Variants in TMEM232 observed in about 807,000 individuals in gnomAD.
TMEM232 encodes the protein transmembrane protein 232.
TMEM232 carries 80 observed loss-of-function variants against 78.8 expected under a neutral mutation model. That is an observed-to-expected ratio of 1.01 (90% CI 0.85 to 1.22). TMEM232 has a LOEUF of 1.22. Among genes scored for constraint, TMEM232 ranks in the 50% most tolerant of loss-of-function variants. The pLI, the probability that TMEM232 is intolerant of heterozygous loss-of-function variation, is 0.00. For missense variants in TMEM232, 881 were observed against 742.2 expected (o/e 1.19, Z -2.17); for synonymous variants, 297 against 254.3 (o/e 1.17, Z -1.60).
chr5:110,508,836 T>TTATA (rs917478908), intron 12 of TMEM232, among the ~76,000 whole-genome samples: 3 of 141,736 alleles, frequency 2.1e-5, no homozygotes, highest in African/African-American at 5.4e-5. Context: ...CCACTGCTAA[T>TTATA]TATATATATA....
intron 2 of TMEM232, among the ~76,000 whole-genome samples, chr5:110,405,760 G>A (rs1755768216): frequency 6.8e-6 from 1 of 147,942 alleles, no homozygotes. Flanking sequence ...AAAGTAAACA[G>A]GCCATCTGTA....
At chr5:110,606,328 AAATAAT>A (rs899525445) in intron 8 of TMEM232, 41 bp from the exon 9 acceptor site, 1 of 1,452,640 alleles carries the variant, frequency 6.9e-7, no homozygotes, top group African/African-American at 1.4e-5. Flanking sequence ...TTTTAATGGA[AAATAAT>A]AATAATAATC....
intron 2 of TMEM232, among the ~76,000 whole-genome samples, chr5:110,666,486 T>C (rs924150277): frequency 6.6e-6 from 1 of 152,134 alleles, no homozygotes; most frequent in African/African-American, 2.4e-5. Flanking sequence ...TTTACCTACA[T>C]CCTATTAGTA....
At chr5:110,657,302 T>A (rs1789211579) in intron 2 of TMEM232, among the ~76,000 whole-genome samples, 1 of 152,170 alleles carries the variant, frequency 6.6e-6, no homozygotes, top group African/African-American at 2.4e-5. Flanking sequence ...TGCACATCCA[T>A]GTTTATTGTA....
intron 12 of TMEM232, among the ~76,000 whole-genome samples, chr5:110,442,983 T>G (rs1181054569): frequency 6.6e-6 from 1 of 152,124 alleles, no homozygotes; most frequent in Non-Finnish European, 1.5e-5. Flanking sequence ...GGTGTGGTAA[T>G]ATAGGCACCC....
intron 2 of TMEM232, among the ~76,000 whole-genome samples, chr5:110,402,594 G>T (rs73217185): frequency 0.032 from 4,849 of 152,158 alleles, 265 homozygotes; most frequent in African/African-American, 0.11. Flanking sequence ...ACAGGACTTG[G>T]GAGAACCAGT....
chr5:110,728,143 G>A (rs1798335954), upstream of TMEM232, among the ~76,000 whole-genome samples: 2 of 151,924 alleles, frequency 1.3e-5, no homozygotes, highest in African/African-American at 4.8e-5. Context: ...AGCATGTTTA[G>A]AGAAAAAAAG....
chr5:110,698,602 C>T (rs1795078211), intron 1 of TMEM232, among the ~76,000 whole-genome samples: 1 of 152,148 alleles, frequency 6.6e-6, no homozygotes, highest in African/African-American at 2.4e-5. Context: ...TTTGATCCAA[C>T]TCTAGGGGAA....
chr5:110,416,495 C>T (rs1756217831), downstream of TMEM232, among the ~76,000 whole-genome samples: 1 of 152,182 alleles, frequency 6.6e-6, no homozygotes, highest in South Asian at 2.1e-4. Flanking sequence ...GAGTCACTGG[C>T]AGACACAAAG....
intron 12 of TMEM232, among the ~76,000 whole-genome samples, chr5:110,486,901 T>C (rs900617354): frequency 2.6e-5 from 4 of 152,118 alleles, no homozygotes; most frequent in African/African-American, 4.8e-5. Flanking sequence ...GTAGATTGCT[T>C]TTGGCAGTCT....
Position 110,618,489 on chromosome 5 carries a change from T to C in TMEM232, c.842A>G (p.Gln281Arg), listed in dbSNP as rs1783220833. 6.4e-7 allele frequency: 1 copy of C among 1,551,630 alleles called. No individual in the cohort carries two copies. Among genetic ancestry groups the C allele is most frequent in the Non-Finnish European group, 8.7e-7 (1 of 1,146,888 alleles). ...AWSCVQNNSP[Q>R]LNNVLEHLVF... is the part of the protein sequence containing the mutation. ...GAGATGTTCAAGCACGTTATTCAAC[T>C]GAGGACTGTTATTCTGAACACAAGA... The change falls in exon 8 of 14, where the codon CAG becomes CGG. Residue 281 changes from glutamine (Q) to arginine (R), a missense_variant. Gln to Arg is a conservative substitution (Grantham distance 43). Coordinates refer to ENST00000455884, the MANE Select transcript of TMEM232 (RefSeq NM_001039763.4).
At chr5:110,542,361 T>C (rs1458190786) in intron 11 of TMEM232, among the ~76,000 whole-genome samples, 2 of 152,156 alleles carry the variant, frequency 1.3e-5, no homozygotes, top group East Asian at 3.9e-4. Context: ...ACAGCATAAG[T>C]ATCCAGCCCA....
At chr5:110,727,077 C>A (rs1162849483), upstream of TMEM232, among the ~76,000 whole-genome samples, 1 of 152,138 alleles carries the variant, frequency 6.6e-6, no homozygotes, top group Non-Finnish European at 1.5e-5. Context: ...GTCCTCAGCA[C>A]CCGTCAGTGA....
intron 12 of TMEM232, among the ~76,000 whole-genome samples, chr5:110,438,848 T>A (rs531973013): frequency 1.3e-5 from 2 of 152,284 alleles, no homozygotes; most frequent in East Asian, 3.9e-4. Context: ...TTAGAAACCA[T>A]GGATCATCCT....
intron 11 of TMEM232, among the ~76,000 whole-genome samples, chr5:110,533,176 C>G (rs985573445): frequency 6.6e-6 from 1 of 152,166 alleles, no homozygotes; most frequent in African/African-American, 2.4e-5. Context: ...CCATCAGTCC[C>G]AGCAGATTAC....
chr5:110,669,891 T>C (rs921353662), intron 1 of TMEM232, among the ~76,000 whole-genome samples: 3 of 152,168 alleles, frequency 2.0e-5, no homozygotes, highest in African/African-American at 7.2e-5. Context: ...CACATGATTA[T>C]CTCAATAGAT....
intron 12 of TMEM232, among the ~76,000 whole-genome samples, chr5:110,438,961 G>T (rs1758728361): frequency 6.6e-6 from 1 of 152,098 alleles, no homozygotes; most frequent in Non-Finnish European, 1.5e-5. Flanking sequence ...CTTAAAGCAG[G>T]AGGTTAAAAA....
chr5:110,425,304 T>C (rs1167358030), intron 12 of TMEM232, among the ~76,000 whole-genome samples: 1 of 152,160 alleles, frequency 6.6e-6, no homozygotes, highest in Non-Finnish European at 1.5e-5. Flanking sequence ...CAGATTAGCA[T>C]AGTTCAGTGA....
chr5:110,408,950 G>A lies in TMEM232; in HGVS notation n.309-11096C>T, dbSNP rs116143247. Among the ~76,000 whole-genome samples the A allele has an allele frequency of 5.2e-3, 798 of 152,222 alleles. 8 individuals carry two copies. The highest frequency in any genetic ancestry group is 0.019 in the African/African-American group (787 of 41,550). ...TTCTGGGTAACTCCTACCTAGACCA[G>A]TTGAACCCCAGCTTACCTGGAGACA... is the stretch of plus-strand genomic sequence containing the variant. On this transcript the variant is annotated intron_variant and non_coding_transcript_variant, in intron 2 of 8. Transcript: ENST00000507188.
Sources: gnomAD v4.1 joint callset for allele counts (sites outside exome capture counted in the v4.1 genomes callset) on GRCh38, gnomAD v4.1.1 for gene constraint, MANE v1.5 for transcripts, NCBI Gene and HGNC (gene_info 2026-07-23, HGNC 2026-07-21) for gene names.